Variants in TMEM273 observed in about 807,000 individuals in gnomAD.
TMEM273 encodes chromosome 10 open reading frame 128.
A neutral mutation model predicts 17.9 loss-of-function variants in TMEM273; 19 were observed. The ratio of observed to expected loss-of-function variants is 1.06; its 90% CI spans 0.74 to 1.55. The LOEUF is 1.55. Ranked by LOEUF, TMEM273 falls within the 40% of genes most tolerant of loss-of-function variation. TMEM273 has a pLI of 0.00. For synonymous variants in TMEM273, 66 were observed against 62.0 expected, an observed-to-expected ratio of 1.07 and a Z score of -0.31; for missense variants, 194 against 155.6, an observed-to-expected ratio of 1.25 and a Z score of -1.31.
At chr10:49,181,717 G>T (rs1847351740) in intron 1 of TMEM273, among the ~76,000 whole-genome samples, 1 of 152,050 alleles carries the variant, frequency 6.6e-6, no homozygotes, top group African/African-American at 2.4e-5. Context: ...ATTGATCATA[G>T]ATTTCAATAT....
At chr10:49,160,930 G>A (rs1845802718) in intron 6 of TMEM273, 1 of 152,234 alleles carries the variant, frequency 6.6e-6, no homozygotes, top group Non-Finnish European at 1.5e-5. Context: ...CCCCAGGCCT[G>A]TGTGACCATC....
chr10:49,159,711 G>A (rs759644011), intron 6 of TMEM273, among the ~76,000 whole-genome samples: 10 of 77,732 alleles, frequency 1.3e-4, no homozygotes, highest in African/African-American at 3.8e-5. Context: ...GAGAGAGAGA[G>A]TGAGAGAGAG....
chr10:49,165,193 A>T lies in TMEM273; in HGVS notation c.348+12T>A. ...GAAGAGAATGGTGGCTGGAGTCGAG[A>T]GGGGATTGTACCTTAAATAGGCCCT... On this transcript the variant is annotated intron_variant, in intron 5 of 6. Coordinates refer to ENST00000374153, the MANE Select transcript of TMEM273 (RefSeq NM_001288740.3). 1.9e-6 allele frequency: 3 copies of T among 1,541,554 alleles called. No homozygotes were observed. Among genetic ancestry groups the T allele is most frequent in the Admixed American group, 2.0e-5 (1 of 48,880 alleles).
At chr10:49,171,381 A>G (rs1846558761) in intron 1 of TMEM273, among the ~76,000 whole-genome samples, 1 of 152,240 alleles carries the variant, frequency 6.6e-6, no homozygotes, top group Non-Finnish European at 1.5e-5. Flanking sequence ...GGCTACCTCC[A>G]GAGGACTTGC....
intron 5 of TMEM273, among the ~76,000 whole-genome samples, chr10:49,163,542 A>G (rs897696654): frequency 1.3e-5 from 2 of 152,198 alleles, no homozygotes; most frequent in Non-Finnish European, 2.9e-5. Flanking sequence ...AGGACAGTCC[A>G]GGCTCACACC....
chr10:49,168,288 A>T (rs937937281), intron 1 of TMEM273, among the ~76,000 whole-genome samples: 1 of 152,012 alleles, frequency 6.6e-6, no homozygotes, highest in Admixed American at 6.5e-5. Flanking sequence ...TGGTGCTTCT[A>T]GTTCCCCACA....
At chr10:49,160,294 C>A (rs11101001) in intron 6 of TMEM273, 63,193 of 151,916 alleles carry the variant, frequency 0.42, 14,256 homozygotes, top group African/African-American at 0.57. Context: ...GCAAACGAAG[C>A]ATCACCAACA....
At chr10:49,170,207 G>T (rs1846467011) in intron 1 of TMEM273, among the ~76,000 whole-genome samples, 2 of 152,232 alleles carry the variant, frequency 1.3e-5, no homozygotes, top group Non-Finnish European at 2.9e-5. Flanking sequence ...CTGTGCTTGA[G>T]TCACTCAGAC....
At chr10:49,176,774 A>G (rs772829078) in intron 1 of TMEM273, among the ~76,000 whole-genome samples, 11 of 152,140 alleles carry the variant, frequency 7.2e-5, no homozygotes, top group Non-Finnish European at 1.5e-4. Context: ...GGAGCCCCTT[A>G]CTAAACCCAT....
intron 1 of TMEM273, among the ~76,000 whole-genome samples, chr10:49,182,258 G>A (rs1389796293): frequency 6.6e-6 from 1 of 152,204 alleles, no homozygotes; most frequent in Non-Finnish European, 1.5e-5. Flanking sequence ...GCAGGAACTT[G>A]GAACAGGGGA....
intron 5 of TMEM273, among the ~76,000 whole-genome samples, chr10:49,164,041 G>A (rs1361013975): frequency 6.6e-6 from 1 of 152,090 alleles, no homozygotes; most frequent in African/African-American, 2.4e-5. Flanking sequence ...GTGAGACTGG[G>A]CTCTGGGTAC....
chr10:49,188,269 A>G, intron 1 of TMEM273, 25 bp downstream of exon 1: 2 of 1,613,472 alleles, frequency 1.2e-6, no homozygotes, highest in Non-Finnish European at 8.5e-7. Context: ...CCCCCGGGCC[A>G]GAGACCCCCG....
chr10:49,188,297 G>T lies in TMEM273; in HGVS notation c.40C>A (p.Leu14Met), dbSNP rs1166281784. The change falls in exon 1 of 7, where the codon CTG (leucine) becomes ATG (methionine). Residue 14 changes from leucine to methionine, a missense_variant. Leu to Met is a conservative substitution (Grantham distance 15, BLOSUM62 2). Coordinates refer to ENST00000374153, the MANE Select transcript of TMEM273 (RefSeq NM_001288740.3). The part of the protein sequence containing the change: ...GVSMLRILFL[L>M]DVGGAQVLAT... The stretch of plus-strand genomic sequence containing the variant: ...GACCCCCGCAGTCCCCACTTACCCA[G>T]GAGGAAGAGGATCCTCAGCATGCTG... 1 of 1,614,024 alleles carries T rather than the reference G, an allele frequency of 6.2e-7. No individual in the cohort carries two copies. The highest frequency in any genetic ancestry group is 1.3e-5 in the African/African-American group (1 of 74,932).
At chr10:49,174,769 G>GC (rs1049789616) in intron 1 of TMEM273, among the ~76,000 whole-genome samples, 7 of 152,198 alleles carry the variant, frequency 4.6e-5, no homozygotes, top group African/African-American at 1.2e-4. Flanking sequence ...TCCATGGACC[G>GC]CCCCCCATCC....
At chr10:49,178,958 C>A (rs913673478) in intron 1 of TMEM273, among the ~76,000 whole-genome samples, 4 of 152,186 alleles carry the variant, frequency 2.6e-5, no homozygotes, top group Admixed American at 1.3e-4. Context: ...AGGTCCTTCA[C>A]CTCTTGCCCT....
chr10:49,164,203 G>A (rs1846021055), intron 5 of TMEM273, among the ~76,000 whole-genome samples: 1 of 152,158 alleles, frequency 6.6e-6, no homozygotes, highest in South Asian at 2.1e-4. Flanking sequence ...GCCCAAAGCT[G>A]CTCCCCCACC....
chr10:49,164,177 T>C (rs917926198), intron 5 of TMEM273, among the ~76,000 whole-genome samples: 1 of 152,100 alleles, frequency 6.6e-6, no homozygotes, highest in African/African-American at 2.4e-5. Context: ...AAAAATATCA[T>C]CTCACCCAGC....
At chr10:49,168,502 G>A (rs1258517888) in intron 1 of TMEM273, among the ~76,000 whole-genome samples, 1 of 152,106 alleles carries the variant, frequency 6.6e-6, no homozygotes, top group South Asian at 2.1e-4. Flanking sequence ...CATTTACATA[G>A]CACTAGTTTG....
In TMEM273 at chr10:49,165,237, A is replaced by C; in HGVS notation, c.316T>G (p.Cys106Gly). 6.4e-7 allele frequency: 1 copy of C among 1,550,564 alleles called. No individual in the cohort carries two copies. The highest frequency in any genetic ancestry group is 8.7e-7 in the Non-Finnish European group (1 of 1,146,998). The change falls in exon 5 of 7, where the codon TGT becomes GGT. Residue 106 changes from cysteine (C) to glycine (G), a missense_variant. Physicochemically the swap from Cys to Gly is radical, Grantham distance 159. Transcript: ENST00000374153. Reference protein sequence around the residue: ...TLFSFKSLLQCHHCIMEGLFK... With the variant: ...TLFSFKSLLQGHHCIMEGLFK... The stretch of plus-strand genomic sequence containing the variant: ...AGGCCCTCCATGATGCAGTGGTGAC[A>C]CTGAAGCAGGGATTTGAAGGAAAAG...
Sources: allele counts gnomAD v4.1 joint callset (sites outside exome capture counted in the v4.1 genomes callset), GRCh38; gene constraint gnomAD v4.1.1; transcripts MANE v1.5; gene names NCBI Gene and HGNC (gene_info 2026-07-23, HGNC 2026-07-21).